The following SCHIP1 variants were observed in gnomAD, a reference collection of about 807,000 sequenced individuals.
SCHIP1 encodes schwannomin interacting protein 1, also known as schwannomin-interacting protein 1.
A neutral mutation model predicts 29.7 loss-of-function variants in SCHIP1; 8 were observed. That is an observed-to-expected ratio of 0.27 (90% confidence interval 0.16 to 0.49). The LOEUF is 0.49. Among genes scored for constraint, SCHIP1 ranks in the 20% least tolerant of loss-of-function variants. The probability of loss-of-function intolerance (pLI) is 0.99; values close to 1 mark genes in which losing one functional copy is unlikely to be tolerated. For synonymous variants in SCHIP1, 76 were observed against 94.9 expected (o/e 0.80, Z 1.16); for missense variants, 193 against 294.6 (o/e 0.66, Z 2.52).
chr3:159,512,267 G>A, the SCHIP1 span, among the ~76,000 whole-genome samples: 1 of 152,156 alleles, frequency 6.6e-6, no homozygotes, highest in Non-Finnish European at 1.5e-5. Flanking sequence ...CGTTCATCGG[G>A]GATGTGTGAA....
At chr3:159,313,556 G>A in the SCHIP1 span, among the ~76,000 whole-genome samples, 1 of 152,200 alleles carries the variant, frequency 6.6e-6, no homozygotes, top group Non-Finnish European at 1.5e-5. Context: ...AGATTCACAA[G>A]AGTTGCAATC....
At chr3:159,490,422 T>C in the SCHIP1 span, among the ~76,000 whole-genome samples, 1 of 152,196 alleles carries the variant, frequency 6.6e-6, no homozygotes, top group Non-Finnish European at 1.5e-5. Context: ...CATGACTTGA[T>C]GTACAAAGAA....
chr3:159,679,231 T>C, the SCHIP1 span, among the ~76,000 whole-genome samples: 5 of 151,536 alleles, frequency 3.3e-5, no homozygotes, highest in Non-Finnish European at 5.9e-5. Flanking sequence ...GTCAAACGTG[T>C]TATGAAGAAA....
At chr3:159,287,658 T>A in the SCHIP1 span, among the ~76,000 whole-genome samples, 1 of 152,186 alleles carries the variant, frequency 6.6e-6, no homozygotes, top group African/African-American at 2.4e-5. Flanking sequence ...CTAACTCCTT[T>A]AAGTCCTTTT....
At chr3:159,787,875 C>T in the SCHIP1 span, among the ~76,000 whole-genome samples, 1 of 152,148 alleles carries the variant, frequency 6.6e-6, no homozygotes, top group African/African-American at 2.4e-5. Flanking sequence ...CAACTTCCCT[C>T]ATCTGAGCCT....
At chr3:159,505,228 A>C in the SCHIP1 span, among the ~76,000 whole-genome samples, 2 of 152,298 alleles carry the variant, frequency 1.3e-5, no homozygotes, top group East Asian at 1.9e-4. Flanking sequence ...AAAATTATTG[A>C]ATAAGTCAAT....
At chr3:159,424,952 G>C in the SCHIP1 span, among the ~76,000 whole-genome samples, 1 of 152,082 alleles carries the variant, frequency 6.6e-6, no homozygotes, top group South Asian at 2.1e-4. Context: ...AGCTTCATAA[G>C]TGAAGGAGAA....
the SCHIP1 span, among the ~76,000 whole-genome samples, chr3:159,742,095 G>A: frequency 7.9e-5 from 12 of 152,192 alleles, no homozygotes; most frequent in Admixed American, 3.3e-4. Context: ...GTGTGGTGGC[G>A]GGCGCCTGTA....
chr3:159,312,222 C>G, the SCHIP1 span, among the ~76,000 whole-genome samples: 2 of 152,044 alleles, frequency 1.3e-5, no homozygotes, highest in Admixed American at 1.3e-4. Flanking sequence ...AGGCTAGCTG[C>G]TATAAAAAGG....
chr3:159,874,754 C>T (rs1445707980), intron 2 of SCHIP1, among the ~76,000 whole-genome samples: 3 of 152,106 alleles, frequency 2.0e-5, no homozygotes, highest in East Asian at 1.9e-4. Flanking sequence ...ATCTGCCCAG[C>T]GTTAATGAGG....
chr3:159,329,851 A>G, the SCHIP1 span, among the ~76,000 whole-genome samples: 1 of 151,860 alleles, frequency 6.6e-6, no homozygotes, highest in East Asian at 1.9e-4. Context: ...TAAAAGTGAA[A>G]GGCACAGCAC....
the SCHIP1 span, among the ~76,000 whole-genome samples, chr3:159,582,189 T>C: frequency 1.3e-5 from 2 of 152,140 alleles, no homozygotes; most frequent in Non-Finnish European, 2.9e-5. Flanking sequence ...TGTCTTGTTT[T>C]TGAGACAGGG....
the SCHIP1 span, among the ~76,000 whole-genome samples, chr3:159,364,356 A>G: frequency 6.6e-6 from 1 of 152,334 alleles, no homozygotes; most frequent in East Asian, 1.9e-4. Context: ...GTGGCCTAGA[A>G]TATATGGATT....
At chr3:159,528,349 A>T in the SCHIP1 span, among the ~76,000 whole-genome samples, 1 of 152,218 alleles carries the variant, frequency 6.6e-6, no homozygotes, top group Non-Finnish European at 1.5e-5. Flanking sequence ...AACAGCCAGT[A>T]GCCTTCCATG....
the SCHIP1 span, among the ~76,000 whole-genome samples, chr3:159,739,719 A>G: frequency 1.3e-5 from 2 of 152,210 alleles, no homozygotes; most frequent in Non-Finnish European, 2.9e-5. Context: ...TCAGAAAGGT[A>G]ATCTATTTGA....
the SCHIP1 span, among the ~76,000 whole-genome samples, chr3:159,500,131 GTTTTTTGT>G: frequency 2.0e-5 from 3 of 151,692 alleles, no homozygotes; most frequent in Non-Finnish European, 4.4e-5. Flanking sequence ...ACTAAGTCCA[GTTTTTTGT>G]TTTTTTGTTT....
chr3:159,704,170 C>T, the SCHIP1 span, among the ~76,000 whole-genome samples: 2 of 152,034 alleles, frequency 1.3e-5, no homozygotes, highest in Non-Finnish European at 1.5e-5. Context: ...CACAGTGGCT[C>T]ACACCTGTAA....
chr3:159,394,169 C>T, the SCHIP1 span, among the ~76,000 whole-genome samples: 1 of 148,876 alleles, frequency 6.7e-6, no homozygotes, highest in Non-Finnish European at 1.5e-5. Flanking sequence ...GATTTTGTAT[C>T]CTGACACTTT....
the SCHIP1 span, among the ~76,000 whole-genome samples, chr3:159,468,727 TATATA>T: frequency 6.2e-5 from 9 of 144,276 alleles, no homozygotes; most frequent in East Asian, 2.0e-4. Flanking sequence ...TTTATATATA[TATATA>T]ATATAATATA....
Sources: allele counts gnomAD v4.1 joint callset (sites outside exome capture counted in the v4.1 genomes callset), GRCh38; gene constraint gnomAD v4.1.1; transcripts MANE v1.5; gene names NCBI Gene and HGNC (gene_info 2026-07-23, HGNC 2026-07-21).